Variants in THSD7B observed in about 807,000 individuals in gnomAD.
THSD7B encodes thrombospondin type 1 domain containing 7B.
THSD7B carries 138 observed loss-of-function variants against 213.6 expected under a neutral mutation model. The observed-to-expected ratio is 0.65, with a 90% CI of 0.56 to 0.74. The LOEUF (loss-of-function observed/expected upper bound fraction) is 0.74. THSD7B is among the 30% of genes least tolerant of loss of function. The probability of loss-of-function intolerance (pLI) is 0.00; values close to 1 mark genes in which losing one functional copy is unlikely to be tolerated. For missense variants in THSD7B, 1,931 were observed against 1,991.5 expected, an observed-to-expected ratio of 0.97 and a Z score of 0.58; for synonymous variants, 742 against 687.0, an observed-to-expected ratio of 1.08 and a Z score of -1.25.
intron 14 of THSD7B, among the ~76,000 whole-genome samples, chr2:137,432,556 G>C (rs1687209529): frequency 6.6e-6 from 1 of 151,948 alleles, no homozygotes; most frequent in Non-Finnish European, 1.5e-5. Context: ...AGCCCCTTTC[G>C]TTCCTGTGCT....
At chr2:137,669,437 AT>A (rs142527511) in intron 27 of THSD7B, among the ~76,000 whole-genome samples, 4 of 150,680 alleles carry the variant, frequency 2.7e-5, no homozygotes, top group South Asian at 2.1e-4. Context: ...CCTAGAATCA[AT>A]TTTTTTTTTA....
At chr2:137,316,484 G>T (rs1378507067) in intron 12 of THSD7B, among the ~76,000 whole-genome samples, 1 of 152,160 alleles carries the variant, frequency 6.6e-6, no homozygotes, top group African/African-American at 2.4e-5. Flanking sequence ...CTGCTGTTAA[G>T]AAAAGGTGAG....
chr2:137,352,394 A>C (rs1293873595), intron 12 of THSD7B, among the ~76,000 whole-genome samples: 1 of 151,924 alleles, frequency 6.6e-6, no homozygotes, highest in Non-Finnish European at 1.5e-5. Flanking sequence ...TCAAGGAGGG[A>C]CAAAAACTTG....
intron 4 of THSD7B, among the ~76,000 whole-genome samples, chr2:137,102,945 C>G (rs992005679): frequency 6.6e-6 from 1 of 152,102 alleles, no homozygotes; most frequent in Admixed American, 6.5e-5. Flanking sequence ...AGAATGGAAC[C>G]AAGTTGGAAA....
chr2:137,201,154 T>C (rs150485591), intron 7 of THSD7B, among the ~76,000 whole-genome samples: 2 of 152,278 alleles, frequency 1.3e-5, no homozygotes, highest in Non-Finnish European at 2.9e-5. Flanking sequence ...ACTATATTGA[T>C]TGATTGATTG....
intron 1 of THSD7B, among the ~76,000 whole-genome samples, chr2:136,810,216 T>C (rs950235588): frequency 1.3e-5 from 2 of 152,182 alleles, no homozygotes; most frequent in Non-Finnish European, 2.9e-5. Context: ...TGGAAAGTAG[T>C]GCAGCCACAG....
intron 12 of THSD7B, among the ~76,000 whole-genome samples, chr2:137,316,882 C>G (rs948285821): frequency 2.6e-5 from 4 of 151,996 alleles, no homozygotes; most frequent in African/African-American, 9.7e-5. Flanking sequence ...TAATCATTGA[C>G]TGTTGTTAAC....
intron 2 of THSD7B, among the ~76,000 whole-genome samples, chr2:137,002,547 T>A (rs2104826241): frequency 6.6e-6 from 1 of 152,322 alleles, no homozygotes; most frequent in African/African-American, 2.4e-5. Context: ...CCCCCTCAGT[T>A]ATTTTATGAA....
At chr2:136,783,783 G>A (rs1681789515) in intron 1 of THSD7B, among the ~76,000 whole-genome samples, 1 of 152,178 alleles carries the variant, frequency 6.6e-6, no homozygotes, top group South Asian at 2.1e-4. Context: ...AAGGTAGAGA[G>A]CCCTGAGGCA....
At chr2:137,632,277 T>C (rs2104853421) in intron 20 of THSD7B, among the ~76,000 whole-genome samples, 1 of 152,302 alleles carries the variant, frequency 6.6e-6, no homozygotes, top group Non-Finnish European at 1.5e-5. Context: ...GGCAGTGAAA[T>C]ATATTAATGC....
At chr2:136,895,694 G>T (rs911617824) in intron 2 of THSD7B, among the ~76,000 whole-genome samples, 4 of 151,772 alleles carry the variant, frequency 2.6e-5, no homozygotes, top group African/African-American at 9.7e-5. Context: ...ATTAAGTTGT[G>T]CAGACATCAA....
intron 1 of THSD7B, among the ~76,000 whole-genome samples, chr2:136,850,769 T>G (rs548572578): frequency 6.6e-6 from 1 of 152,126 alleles, no homozygotes; most frequent in South Asian, 2.1e-4. Flanking sequence ...AATAATGTAG[T>G]TTCATGAATA....
chr2:136,926,707 A>C (rs1684533753), intron 2 of THSD7B, among the ~76,000 whole-genome samples: 1 of 2,350 alleles, frequency 4.3e-4, no homozygotes, highest in Admixed American at 5.8e-3. Flanking sequence ...AAGAAAAAGA[A>C]AAAAAAAAAC....
intron 2 of THSD7B, among the ~76,000 whole-genome samples, chr2:137,029,292 T>C (rs1262924562): frequency 6.6e-6 from 1 of 152,090 alleles, no homozygotes; most frequent in African/African-American, 2.4e-5. Context: ...TTGGCCAGGC[T>C]GGTCTCGAAC....
intron 14 of THSD7B, among the ~76,000 whole-genome samples, chr2:137,420,300 C>T (rs138316792): frequency 6.6e-6 from 1 of 152,252 alleles, no homozygotes; most frequent in African/African-American, 2.4e-5. Context: ...CCTTCTGTAC[C>T]TATCTACTTT....
chr2:137,610,711 G>T (rs900690336), intron 17 of THSD7B, among the ~76,000 whole-genome samples: 2 of 152,026 alleles, frequency 1.3e-5, no homozygotes, highest in African/African-American at 4.8e-5. Flanking sequence ...TATGGGAAGA[G>T]ATATGCCTAA....
intron 20 of THSD7B, among the ~76,000 whole-genome samples, chr2:137,631,361 A>G (rs1160254396): frequency 1.3e-5 from 2 of 152,124 alleles, no homozygotes; most frequent in Non-Finnish European, 2.9e-5. Context: ...TAATTATTTA[A>G]CTGATAACAC....
chr2:137,167,984 C>G (rs905194830), intron 6 of THSD7B, among the ~76,000 whole-genome samples: 1 of 152,188 alleles, frequency 6.6e-6, no homozygotes, highest in African/African-American at 2.4e-5. Flanking sequence ...TCACACCCAT[C>G]CATTTAATCA....
intron 17 of THSD7B, among the ~76,000 whole-genome samples, chr2:137,576,799 C>A (rs928264357): frequency 1.6e-4 from 24 of 150,874 alleles, no homozygotes; most frequent in Non-Finnish European, 2.2e-4. Flanking sequence ...AAAAACACCC[C>A]CCCCCCTTTT....
Sources: allele counts gnomAD v4.1 joint callset (sites outside exome capture counted in the v4.1 genomes callset), GRCh38; gene constraint gnomAD v4.1.1; transcripts MANE v1.5; gene names NCBI Gene and HGNC (gene_info 2026-07-23, HGNC 2026-07-21).